The following CADM2 variants were observed in gnomAD, a reference collection of about 807,000 sequenced individuals.
CADM2 encodes cell adhesion molecule 2.
A neutral mutation model predicts 49.8 loss-of-function variants in CADM2; 12 were observed. The ratio of observed to expected loss-of-function variants is 0.24; its 90% CI spans 0.15 to 0.39. The LOEUF (loss-of-function observed/expected upper bound fraction) is 0.39. CADM2 is among the 10% of genes least tolerant of loss of function. CADM2 has a pLI of 1.00. For synonymous variants in CADM2, 214 were observed against 175.4 expected (o/e 1.22, Z -1.74); for missense variants, 378 against 492.3 (o/e 0.77, Z 2.20).
chr3:85,252,417 A>T (rs2042795947), intron 1 of CADM2, among the ~76,000 whole-genome samples: 1 of 151,956 alleles, frequency 6.6e-6, no homozygotes, highest in Non-Finnish European at 1.5e-5. Context: ...TGGATAAGTC[A>T]CATGTTCTAG....
At chr3:85,576,470 G>A (rs2062636361) in intron 1 of CADM2, among the ~76,000 whole-genome samples, 1 of 152,084 alleles carries the variant, frequency 6.6e-6, no homozygotes. Flanking sequence ...TGAGTTTAAA[G>A]CAGTGCTTCC....
intron 1 of CADM2, among the ~76,000 whole-genome samples, chr3:85,471,687 C>CATTTTATTTTGTTTT (rs2038772105): frequency 7.0e-6 from 1 of 143,348 alleles, no homozygotes; most frequent in African/African-American, 2.6e-5. Context: ...ATATTTTTAG[C>CATTTTATTTTGTTTT]ATTTTATTTT....
intron 3 of CADM2, among the ~76,000 whole-genome samples, chr3:85,880,477 A>C (rs1055002276): frequency 6.6e-6 from 1 of 152,062 alleles, no homozygotes; most frequent in African/African-American, 2.4e-5. Context: ...TTTTTCTTTA[A>C]GACAGTCCTG....
chr3:85,998,105 C>T (rs1041135411), intron 8 of CADM2, among the ~76,000 whole-genome samples: 4 of 151,808 alleles, frequency 2.6e-5, no homozygotes, highest in African/African-American at 9.7e-5. Context: ...TAGAGTAATC[C>T]CACCAGACAT....
intron 1 of CADM2, among the ~76,000 whole-genome samples, chr3:85,396,340 G>A (rs1423164354): frequency 2.0e-5 from 3 of 151,828 alleles, no homozygotes; most frequent in Non-Finnish European, 4.4e-5. Context: ...GTGGAAAGAT[G>A]AGAAATAACT....
intron 1 of CADM2, among the ~76,000 whole-genome samples, chr3:85,627,902 C>G (rs2064174672): frequency 6.6e-6 from 1 of 152,008 alleles, no homozygotes. Context: ...TGATAGCAAA[C>G]TGATAGCATG....
At chr3:86,058,959 T>C (rs984543088) in intron 8 of CADM2, among the ~76,000 whole-genome samples, 11 of 151,832 alleles carry the variant, frequency 7.2e-5, no homozygotes, top group Non-Finnish European at 1.6e-4. Flanking sequence ...CCTGGCATGG[T>C]GATGCATGCC....
chr3:85,617,096 G>T (rs182280121), intron 1 of CADM2, among the ~76,000 whole-genome samples: 2 of 152,136 alleles, frequency 1.3e-5, no homozygotes, highest in Middle Eastern at 3.4e-3. Context: ...TTCCGTGGAC[G>T]CCAGCTGGGG....
At chr3:85,950,087 A>G (rs1043370496) in intron 7 of CADM2, among the ~76,000 whole-genome samples, 2 of 151,238 alleles carry the variant, frequency 1.3e-5, no homozygotes, top group East Asian at 3.9e-4. Context: ...TAAAATTTTA[A>G]TAGTCAATAA....
chr3:85,966,418 A>G (rs148840449), intron 8 of CADM2, among the ~76,000 whole-genome samples: 122 of 151,738 alleles, frequency 8.0e-4, no homozygotes, highest in Non-Finnish European at 1.3e-3. Context: ...GAGTGTTAAA[A>G]TTATTTTACC....
In CADM2 at chr3:85,887,032, A is replaced by G. The variant is rs544677507; in HGVS notation, c.529+705A>G. Among the ~76,000 whole-genome samples the G allele has an allele frequency of 1.6e-4, 24 of 152,312 alleles. No individual in the cohort carries two copies. The South Asian group carries it at 4.1e-3, about 26-fold the overall frequency. Reference sequence around the variant, plus strand: ...TGTATTATTTTCAACATTATCTTCTATGAAACAGGTTTATGCAAACCATTC... The same window carrying G: ...TGTATTATTTTCAACATTATCTTCTGTGAAACAGGTTTATGCAAACCATTC... On this transcript the variant is annotated intron_variant, in intron 5 of 9. Transcript: ENST00000383699.
At chr3:85,791,986 G>A (rs775182355) in intron 2 of CADM2, among the ~76,000 whole-genome samples, 9 of 152,148 alleles carry the variant, frequency 5.9e-5, no homozygotes, top group Non-Finnish European at 1.0e-4. Context: ...GCCTCCCAAA[G>A]TGCTGGGATT....
At chr3:84,997,860 A>G (rs548636006) in intron 1 of CADM2, among the ~76,000 whole-genome samples, 2 of 152,158 alleles carry the variant, frequency 1.3e-5, no homozygotes, top group Non-Finnish European at 2.9e-5. Flanking sequence ...TAGTGGCACT[A>G]TCAATATAAG....
At chr3:85,450,662 A>G (rs1485571434) in intron 1 of CADM2, among the ~76,000 whole-genome samples, 1 of 151,828 alleles carries the variant, frequency 6.6e-6, no homozygotes, top group Non-Finnish European at 1.5e-5. Flanking sequence ...ATTTTCAGAA[A>G]AGTATTAGAG....
chr3:85,302,210 C>A lies in CADM2; in HGVS notation c.61+342542C>A, dbSNP rs76557315. On this transcript the variant is annotated intron_variant, in intron 1 of 9. Coordinates refer to ENST00000383699, the MANE Select transcript of CADM2 (RefSeq NM_001167675.2). ...TTATGTAATGTTTAAGTCTGAACAGCCTATTTTCGTTTTTCATAATTTTAA... is the reference window on the plus strand; with the variant it reads ...TTATGTAATGTTTAAGTCTGAACAGACTATTTTCGTTTTTCATAATTTTAA... Among the ~76,000 whole-genome samples the A allele has an allele frequency of 5.4e-3, 815 of 152,130 alleles. 4 individuals carry two copies. Among genetic ancestry groups the A allele is most frequent in the African/African-American group, 0.019 (773 of 41,546 alleles).
intron 1 of CADM2, among the ~76,000 whole-genome samples, chr3:85,641,579 A>G (rs1244827676): frequency 6.6e-6 from 1 of 152,120 alleles, no homozygotes; most frequent in Non-Finnish European, 1.5e-5. Flanking sequence ...TATCTTAAAC[A>G]TTTTTCCTTT....
At chr3:85,022,636 G>C (rs139841133) in intron 1 of CADM2, among the ~76,000 whole-genome samples, 1 of 151,832 alleles carries the variant, frequency 6.6e-6, no homozygotes, top group South Asian at 2.1e-4. Flanking sequence ...TATATATACC[G>C]CTTTGTAACC....
intron 8 of CADM2, among the ~76,000 whole-genome samples, chr3:86,034,961 T>C (rs951716563): frequency 6.6e-6 from 1 of 152,076 alleles, no homozygotes; most frequent in African/African-American, 2.4e-5. Context: ...CTCACCTAGA[T>C]GACTTCAAAA....
intron 1 of CADM2, among the ~76,000 whole-genome samples, chr3:85,517,490 T>C (rs1357712326): frequency 6.6e-6 from 1 of 152,144 alleles, no homozygotes; most frequent in Non-Finnish European, 1.5e-5. Flanking sequence ...CCCTCTGTAC[T>C]AACCTAAGTG....
Sources: allele counts gnomAD v4.1 joint callset (sites outside exome capture counted in the v4.1 genomes callset), GRCh38; gene constraint gnomAD v4.1.1; transcripts MANE v1.5; gene names NCBI Gene and HGNC (gene_info 2026-07-23, HGNC 2026-07-21).